The following TBC1D22A variants were observed in gnomAD, a reference collection of about 807,000 sequenced individuals.
TBC1D22A encodes putative GTPase activator.
TBC1D22A carries 38 observed loss-of-function variants against 60.2 expected under a neutral mutation model. That is an observed-to-expected ratio of 0.63 (90% CI 0.49 to 0.83). The LOEUF is 0.83. Ranked by LOEUF, TBC1D22A falls within the 40% of genes least tolerant of loss-of-function variation. TBC1D22A has a pLI of 0.00. For missense variants in TBC1D22A, 628 were observed against 701.0 expected, an observed-to-expected ratio of 0.90 and a Z score of 1.18; for synonymous variants, 302 against 281.7, an observed-to-expected ratio of 1.07 and a Z score of -0.72.
chr22:47,086,105 A>G (rs1268345710), intron 11 of TBC1D22A, among the ~76,000 whole-genome samples: 3 of 152,226 alleles, frequency 2.0e-5, no homozygotes, highest in Admixed American at 2.0e-4. Flanking sequence ...TGGGCACTGT[A>G]GCCCAGCGCT....
intron 10 of TBC1D22A, among the ~76,000 whole-genome samples, chr22:47,022,969 A>G (rs1603041176): frequency 1.3e-5 from 2 of 152,266 alleles, no homozygotes; most frequent in Admixed American, 1.3e-4. Context: ...AAGTGACAAT[A>G]TCTAGCTTTC....
At chr22:46,797,132 A>T (rs1412363078) in intron 3 of TBC1D22A, among the ~76,000 whole-genome samples, 1 of 152,190 alleles carries the variant, frequency 6.6e-6, no homozygotes, top group East Asian at 1.9e-4. Flanking sequence ...GCAGGCCCTG[A>T]TCTGCCACCC....
chr22:47,103,286 G>T (rs867277252), intron 11 of TBC1D22A, among the ~76,000 whole-genome samples: 5 of 152,204 alleles, frequency 3.3e-5, no homozygotes, highest in Admixed American at 6.5e-5. Context: ...GACCATGACA[G>T]TGTGGCATGT....
At chr22:46,902,559 A>G (rs573540965) in intron 7 of TBC1D22A, among the ~76,000 whole-genome samples, 2 of 152,266 alleles carry the variant, frequency 1.3e-5, no homozygotes, top group East Asian at 1.9e-4. Context: ...TAATATCACC[A>G]CTTAAGCGAC....
chr22:46,944,407 T>C (rs986426229), intron 8 of TBC1D22A, among the ~76,000 whole-genome samples: 8 of 152,364 alleles, frequency 5.3e-5, no homozygotes, highest in African/African-American at 1.9e-4. Flanking sequence ...TATGCATTCC[T>C]CTTTTTTTTG....
intron 12 of TBC1D22A, among the ~76,000 whole-genome samples, chr22:47,121,656 C>A (rs979661740): frequency 6.6e-6 from 1 of 151,958 alleles, no homozygotes; most frequent in Non-Finnish European, 1.5e-5. Flanking sequence ...ACGGTGCTAG[C>A]CTGACTTAGT....
At chr22:47,150,444 G>C (rs1435433333) in intron 12 of TBC1D22A, among the ~76,000 whole-genome samples, 1 of 152,168 alleles carries the variant, frequency 6.6e-6, no homozygotes. Flanking sequence ...TCCCATCTCT[G>C]CTCCAGGAGT....
At chr22:46,934,144 G>A (rs1232514924) in intron 8 of TBC1D22A, among the ~76,000 whole-genome samples, 1 of 152,230 alleles carries the variant, frequency 6.6e-6, no homozygotes, top group Admixed American at 6.5e-5. Flanking sequence ...TATTTCTCAT[G>A]ATCCAAGTAA....
In TBC1D22A at chr22:46,964,214, G is replaced by A. The variant is rs368983920; in HGVS notation, c.1016-10076G>A. On this transcript the variant is annotated intron_variant, in intron 8 of 12. Coordinates refer to ENST00000337137, the MANE Select transcript of TBC1D22A (RefSeq NM_014346.5). The stretch of plus-strand genomic sequence containing the variant: ...ATTCTTTGTGTGAAGCCTACTTTAG[G>A]GTAGGCATGGAGAACAAGCAGGGCT... Among the ~76,000 whole-genome samples the A allele has an allele frequency of 7.2e-5, 11 of 152,302 alleles. No individual in the cohort carries two copies. In the East Asian group the frequency reaches 9.7e-4, roughly 13 times the overall value.
chr22:46,965,500 T>A (rs879721142), intron 8 of TBC1D22A, among the ~76,000 whole-genome samples: 1 of 152,360 alleles, frequency 6.6e-6, no homozygotes, highest in Admixed American at 6.5e-5. Context: ...TTTGTCAGAT[T>A]GTTTTGCAGA....
chr22:46,817,399 C>G (rs1157026057), intron 4 of TBC1D22A, among the ~76,000 whole-genome samples: 1 of 152,084 alleles, frequency 6.6e-6, no homozygotes, highest in East Asian at 1.9e-4. Flanking sequence ...CCTCTAAATT[C>G]CCTCCCCTCA....
At chr22:47,159,323 A>ACGTATACACACACAC (rs1294880586) in intron 12 of TBC1D22A, among the ~76,000 whole-genome samples, 6 of 77,368 alleles carry the variant, frequency 7.8e-5, no homozygotes, top group Admixed American at 1.3e-4. Context: ...ACATACACAC[A>ACGTATACACACACAC]CATGTATACA....
chr22:47,015,644 G>A (rs768765916), intron 10 of TBC1D22A, among the ~76,000 whole-genome samples: 3 of 152,184 alleles, frequency 2.0e-5, no homozygotes, highest in East Asian at 3.9e-4. Context: ...GTGTCCATGC[G>A]GGCTGCTCCC....
chr22:47,014,599 C>T (rs1187864066), intron 10 of TBC1D22A, among the ~76,000 whole-genome samples: 1 of 152,242 alleles, frequency 6.6e-6, no homozygotes, highest in African/African-American at 2.4e-5. Flanking sequence ...TCACTTACTT[C>T]TCACGGCAGC....
At chr22:46,941,171 A>AAG (rs2072013635) in intron 8 of TBC1D22A, among the ~76,000 whole-genome samples, 1 of 128,496 alleles carries the variant, frequency 7.8e-6, no homozygotes, top group African/African-American at 3.1e-5. Flanking sequence ...CAGCATGGGG[A>AAG]CTGGGACACT....
At chr22:46,876,875 C>T (rs904534615) in intron 4 of TBC1D22A, among the ~76,000 whole-genome samples, 1 of 152,210 alleles carries the variant, frequency 6.6e-6, no homozygotes, top group Non-Finnish European at 1.5e-5. Flanking sequence ...GTACCAAACA[C>T]CTATGAGGAT....
chr22:47,035,070 C>CGT (rs1267386521), intron 10 of TBC1D22A, among the ~76,000 whole-genome samples: 1 of 152,122 alleles, frequency 6.6e-6, no homozygotes, highest in Non-Finnish European at 1.5e-5. Flanking sequence ...CATCTGTGGC[C>CGT]GTGTGTGTAG....
At chr22:46,996,347 A>G (rs1227367309) in intron 9 of TBC1D22A, among the ~76,000 whole-genome samples, 8 of 152,364 alleles carry the variant, frequency 5.3e-5, no homozygotes, top group South Asian at 4.1e-4. Flanking sequence ...GTCATCTCCC[A>G]GTGCTGGCCG....
At chr22:47,035,448 C>T (rs1194089388) in intron 10 of TBC1D22A, among the ~76,000 whole-genome samples, 1 of 152,212 alleles carries the variant, frequency 6.6e-6, no homozygotes, top group African/African-American at 2.4e-5. Context: ...CTTTGCTGTT[C>T]TGCTCCACCC....
Sources: gnomAD v4.1 joint callset for allele counts (sites outside exome capture counted in the v4.1 genomes callset) on GRCh38, gnomAD v4.1.1 for gene constraint, MANE v1.5 for transcripts, NCBI Gene and HGNC (gene_info 2026-07-23, HGNC 2026-07-21) for gene names.